CCDC7: variants seen among roughly 807,000 people sequenced by gnomAD.
CCDC7 encodes the protein coiled-coil domain containing 7.
CCDC7 carries 183 observed loss-of-function variants against 196.9 expected under a neutral mutation model. The observed-to-expected ratio is 0.93, with a 90% CI of 0.82 to 1.05. The LOEUF is 1.05. Among genes scored for constraint, CCDC7 ranks in the 50% least tolerant of loss-of-function variants. The pLI, the probability that CCDC7 is intolerant of heterozygous loss-of-function variation, is 0.00. For synonymous variants in CCDC7, 525 were observed against 484.6 expected (o/e 1.08, Z -1.10); for missense variants, 1,540 against 1,482.2 (o/e 1.04, Z -0.64).
chr10:32,696,996 T>A (rs1173296525), intron 24 of CCDC7, among the ~76,000 whole-genome samples: 1 of 152,170 alleles, frequency 6.6e-6, no homozygotes, highest in Non-Finnish European at 1.5e-5. Flanking sequence ...GGGGGATGGT[T>A]TTGGGATGAT....
At chr10:32,815,647 T>C (rs1232691454) in intron 31 of CCDC7, among the ~76,000 whole-genome samples, 1 of 152,128 alleles carries the variant, frequency 6.6e-6, no homozygotes, top group East Asian at 1.9e-4. Flanking sequence ...TACATCTGAG[T>C]TCTATTAAAT....
intron 9 of CCDC7, among the ~76,000 whole-genome samples, chr10:32,507,778 C>G (rs966680332): frequency 6.6e-6 from 1 of 152,130 alleles, no homozygotes; most frequent in African/African-American, 2.4e-5. Context: ...GGACAGTAAT[C>G]ATATGATCAT....
intron 18 of CCDC7, among the ~76,000 whole-genome samples, chr10:32,626,498 C>T (rs1013346760): frequency 2.0e-5 from 3 of 151,678 alleles, no homozygotes; most frequent in Non-Finnish European, 2.9e-5. Context: ...CATGTTTTCT[C>T]CTAATTCATA....
intron 13 of CCDC7, among the ~76,000 whole-genome samples, chr10:32,562,591 A>G (rs1317850955): frequency 6.6e-6 from 1 of 152,234 alleles, no homozygotes; most frequent in Non-Finnish European, 1.5e-5. Context: ...GCCTTTGACA[A>G]AATTCAACAA....
intron 28 of CCDC7, among the ~76,000 whole-genome samples, chr10:32,756,509 A>G (rs1325445274): frequency 2.6e-5 from 4 of 152,236 alleles, no homozygotes; most frequent in Admixed American, 2.6e-4. Flanking sequence ...ACTAAGCTTC[A>G]TAAGTGAAGG....
chr10:32,495,363 T>A (rs913149000), intron 9 of CCDC7, among the ~76,000 whole-genome samples: 3 of 152,242 alleles, frequency 2.0e-5, no homozygotes, highest in African/African-American at 7.2e-5. Flanking sequence ...TAATGATAGT[T>A]TCTTTTGCTG....
chr10:32,767,604 C>T (rs1291762014), intron 28 of CCDC7, among the ~76,000 whole-genome samples: 2 of 151,884 alleles, frequency 1.3e-5, no homozygotes, highest in Non-Finnish European at 1.5e-5. Flanking sequence ...TACAAGAGAG[C>T]ACTTTCATGG....
upstream of CCDC7, among the ~76,000 whole-genome samples, chr10:32,448,540 G>A (rs137860805): frequency 5.0e-3 from 766 of 152,014 alleles, 6 homozygotes; most frequent in African/African-American, 0.018. Context: ...TATAACATCT[G>A]TAAGTTTTAT....
At chr10:32,638,386 T>C (rs1220672320) in intron 20 of CCDC7, among the ~76,000 whole-genome samples, 4 of 152,230 alleles carry the variant, frequency 2.6e-5, no homozygotes, top group South Asian at 2.1e-4. Context: ...ATAGCTCTTA[T>C]TATTTTGAGA....
chr10:32,679,308 C>G (rs750151041), intron 21 of CCDC7, among the ~76,000 whole-genome samples: 15 of 152,082 alleles, frequency 9.9e-5, no homozygotes, highest in Non-Finnish European at 2.2e-4. Flanking sequence ...GTGGCAGTGT[C>G]CTTCTGCCAT....
chr10:32,509,554 A>G (rs2045783466), intron 9 of CCDC7, among the ~76,000 whole-genome samples: 1 of 151,918 alleles, frequency 6.6e-6, no homozygotes. Context: ...AAGAATAAAC[A>G]ACTGAGATTA....
rs948919960 is a variant in CCDC7, at chr10:32,511,766, C to T, written c.873-6179C>T. 8 of 1,493,290 alleles carry T rather than the reference C, an allele frequency of 5.4e-6. No homozygotes were observed. The African/African-American group carries it at 9.7e-5, about 18-fold the overall frequency. 92.5% of individuals were successfully genotyped at this position (1,493,290 alleles called of 1,614,324 possible). On this transcript the variant is annotated intron_variant, in intron 9 of 41. Transcript: ENST00000639629. ...TATGGCTGACTCACGGCCTTCGACT[C>T]CAGCCTCCCGGAAAGCGGTCGGGCA... is the stretch of plus-strand genomic sequence containing the variant.
chr10:32,866,641 A>G (rs1277377269), intron 41 of CCDC7, among the ~76,000 whole-genome samples: 1 of 151,640 alleles, frequency 6.6e-6, no homozygotes, highest in Non-Finnish European at 1.5e-5. Context: ...TGAGGAAAGG[A>G]GAGAAAAAGG....
At chr10:32,522,454 T>A (rs1453462940) in intron 11 of CCDC7, among the ~76,000 whole-genome samples, 1 of 152,174 alleles carries the variant, frequency 6.6e-6, no homozygotes, top group East Asian at 1.9e-4. Context: ...TTCATTGATG[T>A]ATAGTTGCTC....
intron 33 of CCDC7, among the ~76,000 whole-genome samples, chr10:32,840,214 C>G (rs764884816): frequency 6.6e-6 from 1 of 151,832 alleles, no homozygotes; most frequent in Non-Finnish European, 1.5e-5. Context: ...AAACAAAAAG[C>G]TGGTTATTTG....
At chr10:32,687,323 G>A (rs1398217724) in intron 22 of CCDC7, among the ~76,000 whole-genome samples, 1 of 152,142 alleles carries the variant, frequency 6.6e-6, no homozygotes, top group African/African-American at 2.4e-5. Flanking sequence ...AGACACTTGT[G>A]GTTTAGTAAG....
At chr10:32,501,482 GC>G (rs943365708) in intron 9 of CCDC7, among the ~76,000 whole-genome samples, 1 of 152,128 alleles carries the variant, frequency 6.6e-6, no homozygotes, top group Non-Finnish European at 1.5e-5. Context: ...GGAATTTTCA[GC>G]CTTTTTGCGC....
At chr10:32,545,644 G>A (rs1359204118) in intron 13 of CCDC7, among the ~76,000 whole-genome samples, 17 of 152,114 alleles carry the variant, frequency 1.1e-4, no homozygotes, top group Admixed American at 2.0e-4. Context: ...GGTGGCTTAC[G>A]CCTGTAATAC....
chr10:32,706,996 A>G (rs1368277842), intron 24 of CCDC7, among the ~76,000 whole-genome samples: 7 of 152,204 alleles, frequency 4.6e-5, no homozygotes, highest in African/African-American at 1.4e-4. Context: ...CTGATACCAA[A>G]GCCTGGCAGA....
Sources: allele counts gnomAD v4.1 joint callset (sites outside exome capture counted in the v4.1 genomes callset), GRCh38; gene constraint gnomAD v4.1.1; transcripts MANE v1.5; gene names NCBI Gene and HGNC (gene_info 2026-07-23, HGNC 2026-07-21).